Variants in B3GALT1 observed in about 807,000 individuals in gnomAD.
B3GALT1 encodes UDP-Gal:betaGlcNAc beta 1,3-galactosyltransferase, polypeptide 1.
Under a neutral mutation model 23.2 loss-of-function variants are expected in B3GALT1, and 10 were observed. The observed-to-expected ratio is 0.43, with a 90% CI of 0.27 to 0.73. The LOEUF is 0.73. B3GALT1 is among the 30% of genes least tolerant of loss of function. The probability of loss-of-function intolerance (pLI) is 0.21; values close to 1 mark genes in which losing one functional copy is unlikely to be tolerated. For synonymous variants in B3GALT1, 156 were observed against 141.5 expected (o/e 1.10, Z -0.73); for missense variants, 299 against 405.4 (o/e 0.74, Z 2.25).
At chr2:167,739,349 C>T (rs558867398) in intron 3 of B3GALT1, among the ~76,000 whole-genome samples, 7 of 152,118 alleles carry the variant, frequency 4.6e-5, no homozygotes, top group South Asian at 2.1e-4. Flanking sequence ...ATTCATAAGA[C>T]GTAACAGCTT....
intron 1 of B3GALT1, among the ~76,000 whole-genome samples, chr2:167,338,491 G>A (rs1426545832): frequency 6.6e-6 from 1 of 150,586 alleles, no homozygotes; most frequent in East Asian, 2.0e-4. Context: ...TAGACATTCA[G>A]AAAAGAAACA....
At chr2:167,626,545 C>G (rs1653386) in intron 2 of B3GALT1, among the ~76,000 whole-genome samples, 4,438 of 151,582 alleles carry the variant, frequency 0.029, 222 homozygotes, top group African/African-American at 0.1. Flanking sequence ...CTGGAGAGAA[C>G]ATACAGTTCT....
chr2:167,312,418 G>T (rs1206331541), intron 1 of B3GALT1, among the ~76,000 whole-genome samples: 1 of 152,016 alleles, frequency 6.6e-6, no homozygotes, highest in East Asian at 1.9e-4. Context: ...AGTTAAGGAT[G>T]CATGCTGCAA....
chr2:167,542,511 A>G (rs560838076), intron 2 of B3GALT1, among the ~76,000 whole-genome samples: 10 of 152,292 alleles, frequency 6.6e-5, no homozygotes, highest in South Asian at 2.1e-4. Flanking sequence ...CAAAATATAT[A>G]TTATGATTCA....
intron 1 of B3GALT1, among the ~76,000 whole-genome samples, chr2:167,397,757 C>T (rs1305572741): frequency 6.6e-6 from 1 of 152,222 alleles, no homozygotes; most frequent in Admixed American, 6.5e-5. Flanking sequence ...ATTTTCTTGT[C>T]CTGTGAGTAG....
intron 1 of B3GALT1, among the ~76,000 whole-genome samples, chr2:167,465,784 C>T (rs1699334922): frequency 1.3e-5 from 2 of 149,186 alleles, no homozygotes; most frequent in Non-Finnish European, 3.0e-5. Flanking sequence ...TGAGATTAAA[C>T]TGTTAAACAC....
intron 2 of B3GALT1, among the ~76,000 whole-genome samples, chr2:167,614,469 A>C (rs1451846575): frequency 6.6e-6 from 1 of 151,886 alleles, no homozygotes; most frequent in Admixed American, 6.6e-5. Flanking sequence ...TTAGTAAGGA[A>C]ATCTCTGTGA....
At chr2:167,576,545 G>GTT (rs533383227) in intron 2 of B3GALT1, among the ~76,000 whole-genome samples, 3 of 98,222 alleles carry the variant, frequency 3.1e-5, no homozygotes, top group Admixed American at 2.0e-4. Flanking sequence ...TTTTTTTTTT[G>GTT]TTTTTTTTTC....
At chr2:167,712,205 T>C (rs912585754) in intron 3 of B3GALT1, among the ~76,000 whole-genome samples, 1 of 152,172 alleles carries the variant, frequency 6.6e-6, no homozygotes, top group African/African-American at 2.4e-5. Context: ...ATCAAGGATA[T>C]ATGGTCCAGA....
intron 1 of B3GALT1, among the ~76,000 whole-genome samples, chr2:167,485,453 T>A (rs1559110972): frequency 6.6e-6 from 1 of 152,164 alleles, no homozygotes; most frequent in Non-Finnish European, 1.5e-5. Context: ...CAGTCAATAT[T>A]TATGGAACGT....
intron 1 of B3GALT1, among the ~76,000 whole-genome samples, chr2:167,310,661 CTAGTGAGCCCTTTG>C (rs1696622116): frequency 6.6e-6 from 1 of 151,796 alleles, no homozygotes; most frequent in South Asian, 2.1e-4. Flanking sequence ...CCAGGGCCTG[CTAGTGAGCCCTTTG>C]TAGAATGTAG....
chr2:167,779,146 C>T lies in B3GALT1; in HGVS notation c.-351-39526C>T, dbSNP rs1404420280. ...AATACATCTTTCTTTCATTCACTCA[C>T]TTTTCATATATGCCAGATGTAAGTG... On this transcript the variant is annotated intron_variant, in intron 3 of 4. Coordinates refer to ENST00000392690, the MANE Select transcript of B3GALT1 (RefSeq NM_020981.4). Among the ~76,000 whole-genome samples, 4 of 49,330 alleles carry T rather than the reference C, an allele frequency of 8.1e-5. No homozygotes were observed. The South Asian group carries it at 1.7e-3, about 21-fold the overall frequency. 32.4% of individuals were successfully genotyped at this position (49,330 alleles called of 152,430 possible).
At chr2:167,657,436 G>T (rs1454254566) in intron 3 of B3GALT1, among the ~76,000 whole-genome samples, 1 of 152,114 alleles carries the variant, frequency 6.6e-6, no homozygotes, top group Non-Finnish European at 1.5e-5. Flanking sequence ...AGTATTATCA[G>T]TGGTGAAAGA....
chr2:167,621,245 C>T (rs191525031), intron 2 of B3GALT1, among the ~76,000 whole-genome samples: 55 of 151,854 alleles, frequency 3.6e-4, no homozygotes, highest in African/African-American at 1.2e-3. Context: ...CACACCACCA[C>T]ACCTGGCTTA....
chr2:167,689,788 AT>A (rs1160321685), intron 3 of B3GALT1, among the ~76,000 whole-genome samples: 3 of 152,134 alleles, frequency 2.0e-5, no homozygotes, highest in Non-Finnish European at 4.4e-5. Flanking sequence ...ATTTCTGGAT[AT>A]ATTTTGAGGG....
At chr2:167,759,995 A>G (rs1687876550) in intron 3 of B3GALT1, among the ~76,000 whole-genome samples, 1 of 152,140 alleles carries the variant, frequency 6.6e-6, no homozygotes, top group African/African-American at 2.4e-5. Context: ...ATACATGACT[A>G]TGGTCTTGGA....
chr2:167,692,273 T>G (rs1686727125), intron 3 of B3GALT1, among the ~76,000 whole-genome samples: 1 of 152,132 alleles, frequency 6.6e-6, no homozygotes. Context: ...TGCTTGCACT[T>G]TTCCTACCCA....
At chr2:167,621,520 G>A (rs1685258263) in intron 2 of B3GALT1, among the ~76,000 whole-genome samples, 1 of 152,030 alleles carries the variant, frequency 6.6e-6, no homozygotes, top group Non-Finnish European at 1.5e-5. Context: ...AACTCCAAGA[G>A]CTTTCCATTA....
At chr2:167,470,617 G>A (rs559575035) in intron 1 of B3GALT1, among the ~76,000 whole-genome samples, 3 of 151,766 alleles carry the variant, frequency 2.0e-5, no homozygotes. Context: ...GCAGAAGGAG[G>A]GCCTGGGACT....
Sources: allele counts gnomAD v4.1 joint callset (sites outside exome capture counted in the v4.1 genomes callset), GRCh38; gene constraint gnomAD v4.1.1; transcripts MANE v1.5; gene names NCBI Gene and HGNC (gene_info 2026-07-23, HGNC 2026-07-21).